MIEF2: variants seen among roughly 807,000 people sequenced by gnomAD.
The protein encoded by MIEF2 is mitochondrial dynamics protein MID49.
A neutral mutation model predicts 7.4 loss-of-function variants in MIEF2; 1 was observed. That is an observed-to-expected ratio of 0.14 (90% CI 0.05 to 0.64). The LOEUF (loss-of-function observed/expected upper bound fraction) is 0.64. Among genes scored for constraint, MIEF2 ranks in the 30% least tolerant of loss-of-function variants. The pLI is 0.85. For missense variants in MIEF2, 569 were observed against 623.9 expected (o/e 0.91, Z 0.94); for synonymous variants, 275 against 290.5 (o/e 0.95, Z 0.54).
At chr17:18,261,162 G>A (rs1978394127) in intron 1 of MIEF2, 3 of 1,551,634 alleles carry the variant, frequency 1.9e-6, no homozygotes, top group African/African-American at 1.4e-5. Context: ...ATTTAGACAG[G>A]TTGGGAGTAT....
At position 18,263,118 on chromosome 17, in the gene MIEF2, G is replaced by C; in HGVS notation, c.180G>C (p.Glu60Asp). Residue 60 changes from glutamate (E) to aspartate (D), a missense_variant, in exon 3 of 4, where the codon GAG (glutamate) becomes GAC (aspartate). Glu to Asp is a conservative substitution (Grantham distance 45, BLOSUM62 2). Transcript: ENST00000323019. Reference sequence around the variant, plus strand: ...ACAGGGCCACTAGCCCGCGGGATGAGGATGACACCAAGGCAGACAGCTGGA... The same window carrying C: ...ACAGGGCCACTAGCCCGCGGGATGACGATGACACCAAGGCAGACAGCTGGA... ...FIDRATSPRD[E>D]DDTKADSWKE... is the part of the protein sequence containing the mutation. The C allele has an allele frequency of 6.2e-7, 1 of 1,613,594 alleles. No individual in the cohort carries two copies. Among genetic ancestry groups the C allele is most frequent in the Non-Finnish European group, 8.5e-7 (1 of 1,180,008 alleles).
chr17:18,263,353 C>G, intron 3 of MIEF2, 105 bp downstream of exon 3: 1 of 1,440,486 alleles, frequency 6.9e-7, no homozygotes, highest in South Asian at 1.1e-5. Flanking sequence ...GCTTCTCTCT[C>G]GGTTGTGGGC....
chr17:18,263,263 T>G lies in MIEF2; in HGVS notation c.310+15T>G, dbSNP rs1978523709. On this transcript the variant is annotated intron_variant, in intron 3 of 3. Coordinates refer to ENST00000323019, the MANE Select transcript of MIEF2 (RefSeq NM_139162.4). The stretch of plus-strand genomic sequence containing the variant: ...GTCTGCCCCAGGTGAGTGGCACTCC[T>G]TCCCCTCTTTTGGTGTCACATTCAA... 13 of 1,613,774 alleles carry G rather than the reference T, an allele frequency of 8.1e-6. No individual in the cohort carries two copies. The highest frequency in any genetic ancestry group is 1.1e-5 in the Non-Finnish European group (13 of 1,180,012).
In MIEF2 at chr17:18,264,899, C is replaced by T. The variant is rs1978666886; in HGVS notation, c.*135C>T. 1 of 1,400,152 alleles carries T rather than the reference C, an allele frequency of 7.1e-7. No individual in the cohort carries two copies. The highest frequency in any genetic ancestry group is 9.4e-7 in the Non-Finnish European group (1 of 1,065,238). 86.7% of individuals were successfully genotyped at this position (1,400,152 alleles called of 1,614,324 possible). A position where few individuals can be genotyped will look rare whatever the true frequency, so the allele number is the denominator to read the frequency against. ...GAGGGTACATTACTTAAACCCAGGG[C>T]ATCAGGATGTGCTTGGGCTATGGTG... On this transcript the variant is annotated 3_prime_UTR_variant, in exon 4 of 4. Coordinates refer to ENST00000323019, the MANE Select transcript of MIEF2 (RefSeq NM_139162.4).
rs763805158 is a variant in MIEF2 at position 18,261,196 on chromosome 17, A to C, written c.-8+459A>C. 3.9e-6 allele frequency: 6 copies of C among 1,550,812 alleles called. No homozygotes were observed. In the South Asian group the frequency reaches 7.1e-5, roughly 18 times the overall value. The stretch of plus-strand genomic sequence containing the variant: ...ATTTAAAGCGCTTTACAGTTTGCAA[A>C]GTAGATTCCTGGTCTCTCTGGGGGC... On this transcript the variant is annotated intron_variant, in intron 1 of 3. Coordinates refer to ENST00000323019, the MANE Select transcript of MIEF2 (RefSeq NM_139162.4).
intron 2 of MIEF2, 105 bp downstream of exon 2, chr17:18,262,972 C>T (rs2142903836): frequency 6.5e-7 from 1 of 1,543,518 alleles, no homozygotes; most frequent in Admixed American, 1.9e-5. Flanking sequence ...CCAAGGCCTT[C>T]ATGGGAGCCC....
At chr17:18,261,007 G>A (rs1978383668) in intron 1 of MIEF2, 1 of 1,188,322 alleles carries the variant, frequency 8.4e-7, no homozygotes, top group Non-Finnish European at 1.2e-6. Context: ...AGGTTTGGCG[G>A]AGGAGGGAAG....
At chr17:18,263,060 A>G (rs747904635) in intron 2 of MIEF2, 26 bp from the exon 3 acceptor site, 2 of 1,610,538 alleles carry the variant, frequency 1.2e-6, no homozygotes, top group East Asian at 2.2e-5. Flanking sequence ...TTTCATATAC[A>G]CTGATCTGTG....
Position 18,264,227 on chromosome 17 carries a change from G to T in MIEF2, c.828G>T (p.Gly276=), listed in dbSNP as rs777317685. The T allele has an allele frequency of 1.6e-5, 25 of 1,602,950 alleles. No homozygotes were observed. The highest frequency in any genetic ancestry group is 1.8e-5 in the Non-Finnish European group (21 of 1,179,570). Residue 276 remains glycine (G), a synonymous_variant, in exon 4 of 4, where the codon GGG becomes GGT. Transcript: ENST00000323019. ...GGCCGGCCATTGGCAGCCTTCTCGG[G>T]TGCCTGATCCGGCCCAGCATGGCCT... ...VNWPAIGSLL[G]CLIRPSMASE...
intron 1 of MIEF2, 61 bp from the exon 2 acceptor site, chr17:18,262,653 C>A: frequency 2.0e-6 from 3 of 1,471,928 alleles, no homozygotes; most frequent in Admixed American, 2.3e-5. Context: ...TCCACAGCAG[C>A]CCCTCTCCCA....
At chr17:18,261,117 C>T (rs1354171588) in intron 1 of MIEF2, 2 of 1,551,428 alleles carry the variant, frequency 1.3e-6, no homozygotes, top group Admixed American at 2.0e-5. Context: ...GGACTGAGGC[C>T]TGCGCGACCC....
chr17:18,264,244 G>C lies in MIEF2; in HGVS notation c.845G>C (p.Ser282Thr). The change falls in exon 4 of 4, where the codon AGC (serine) becomes ACC (threonine). Residue 282 changes from serine (S) to threonine (T), a missense_variant. Coordinates refer to ENST00000323019, the MANE Select transcript of MIEF2 (RefSeq NM_139162.4). ...CTTCTCGGGTGCCTGATCCGGCCCA[G>C]CATGGCCTCGGAGGAGCTGCTGCTC... ...GSLLGCLIRP[S>T]MASEELLLEV... 1 of 1,604,534 alleles carries C rather than the reference G, an allele frequency of 6.2e-7. No individual in the cohort carries two copies. Among genetic ancestry groups the C allele is most frequent in the South Asian group, 1.1e-5 (1 of 91,080 alleles).
Position 18,264,539 on chromosome 17 carries a change from G to A in MIEF2, c.1140G>A (p.Gln380=). ...LGQLGRGHLT[Q]VVLRLGEDNV... is the part of the protein sequence containing the mutation. ...AGCTAGGCCGGGGTCACCTGACCCA[G>A]GTGGTCCTGCGTCTGGGGGAGGACA... The change falls in exon 4 of 4, where the codon CAG becomes CAA. Residue 380 remains glutamine, a synonymous_variant. Transcript: ENST00000323019. The A allele has an allele frequency of 6.2e-7, 1 of 1,610,436 alleles. No homozygotes were observed. Among genetic ancestry groups the A allele is most frequent in the Non-Finnish European group, 8.5e-7 (1 of 1,179,854 alleles).
Position 18,265,002 on chromosome 17 carries a change from C to G in MIEF2, c.*238C>G. 1.7e-6 allele frequency: 1 copy of G among 585,038 alleles called. No homozygotes were observed. The allele number at this position is 585,038 out of a possible 1,614,324, so 36.2% of individuals were successfully genotyped here. ...GGGCTGCCTCAGGCAGCTTGGAGTGCCAGCCATTCCTGCAAGCACCGTTTC... is the reference window on the plus strand; with the variant it reads ...GGGCTGCCTCAGGCAGCTTGGAGTGGCAGCCATTCCTGCAAGCACCGTTTC... On this transcript the variant is annotated 3_prime_UTR_variant, in exon 4 of 4. Coordinates refer to ENST00000323019, the MANE Select transcript of MIEF2 (RefSeq NM_139162.4).
chr17:18,264,002 GCTGGAGCCGGGCCTGTGGAGC>G lies in MIEF2; in HGVS notation c.608_628del (p.Glu203_Leu209del). ...ATGTGCGTCTCCTGGTGCCACTGGT[GCTGGAGCCGGGCCTGTGGAGC>G]CTGGTGCCGGGCGTGGACACTGTGG... On this transcript the variant is annotated inframe_deletion, in exon 4 of 4. Transcript: ENST00000323019. 6.4e-7 allele frequency: 1 copy of G among 1,565,914 alleles called. No homozygotes were observed. The highest frequency in any genetic ancestry group is 8.6e-7 in the Non-Finnish European group (1 of 1,158,750).
Position 18,264,669 on chromosome 17 carries a change from A to G in MIEF2, c.1270A>G (p.Ser424Gly), listed in dbSNP as rs201508477. 3.1e-6 allele frequency: 5 copies of G among 1,612,698 alleles called. No homozygotes were observed. The Admixed American group carries it at 8.3e-5, about 27-fold the overall frequency. ...QASLPCHFNP[S>G]VNLFSSLREE... is the part of the protein sequence containing the mutation. ...CAGCCTGCCCTGCCACTTCAACCCC[A>G]GCGTGAACCTCTTCAGCAGCTTGCG... Residue 424 changes from serine to glycine, a missense_variant, in exon 4 of 4, where the codon AGC (serine) becomes GGC (glycine). Coordinates refer to ENST00000323019, the MANE Select transcript of MIEF2 (RefSeq NM_139162.4).
chr17:18,264,956 C>A lies in MIEF2; in HGVS notation c.*192C>A. Reference sequence around the variant, plus strand: ...AACCCTGAGCCCAGAGAGCTTGGGTCACTGTCACCTGAGTGCAGCTGGGCT... The same window carrying A: ...AACCCTGAGCCCAGAGAGCTTGGGTAACTGTCACCTGAGTGCAGCTGGGCT... On this transcript the variant is annotated 3_prime_UTR_variant, in exon 4 of 4. Transcript: ENST00000323019. The A allele has an allele frequency of 9.6e-7, 1 of 1,042,756 alleles. No individual in the cohort carries two copies. Among genetic ancestry groups the A allele is most frequent in the Non-Finnish European group, 1.3e-6 (1 of 754,066 alleles). 64.6% of individuals were successfully genotyped at this position (1,042,756 alleles called of 1,614,324 possible). A position where few individuals can be genotyped will look rare whatever the true frequency, so the allele number is the denominator to read the frequency against.
Position 18,264,435 on chromosome 17 carries a change from G to C in MIEF2, c.1036G>C (p.Asp346His). The change falls in exon 4 of 4, where the codon GAC becomes CAC. Residue 346 changes from aspartate (D) to histidine (H), a missense_variant. Coordinates refer to ENST00000323019, the MANE Select transcript of MIEF2 (RefSeq NM_139162.4). ...PVEAARLRAL[D>H]DHDAGTRRRL... is the part of the protein sequence containing the mutation. ...GGAGGCTGCTAGGCTGCGAGCCCTG[G>C]ACGACCATGACGCTGGGACTCGCCG... The C allele has an allele frequency of 2.5e-6, 4 of 1,601,326 alleles. No homozygotes were observed. Among genetic ancestry groups the C allele is most frequent in the Non-Finnish European group, 3.4e-6 (4 of 1,179,852 alleles).
intron 2 of MIEF2, 73 bp downstream of exon 2, chr17:18,262,940 C>A: frequency 6.6e-7 from 1 of 1,524,260 alleles, no homozygotes; most frequent in Non-Finnish European, 8.8e-7. Context: ...TCAGAGGGGC[C>A]CTGGGGAGGG....
Sources: allele counts gnomAD v4.1 joint callset, GRCh38; gene constraint gnomAD v4.1.1; transcripts MANE v1.5; gene names NCBI Gene and HGNC (gene_info 2026-07-23, HGNC 2026-07-21).